Variants in EXOC6B observed in about 807,000 individuals in gnomAD.
The protein encoded by EXOC6B is SEC15 homolog B.
In EXOC6B, 54 loss-of-function variants were observed where a neutral mutation model predicts 113.5. The ratio of observed to expected loss-of-function variants is 0.48; its 90% CI spans 0.38 to 0.60. The LOEUF is 0.60. Among genes scored for constraint, EXOC6B ranks in the 20% least tolerant of loss-of-function variants. EXOC6B has a pLI of 0.00. For missense variants in EXOC6B, 797 were observed against 977.5 expected, an observed-to-expected ratio of 0.82 and a Z score of 2.46; for synonymous variants, 357 against 339.0, an observed-to-expected ratio of 1.05 and a Z score of -0.58.
At chr2:72,755,637 G>A (rs1201149752) in intron 1 of EXOC6B, among the ~76,000 whole-genome samples, 1 of 152,166 alleles carries the variant, frequency 6.6e-6, no homozygotes, top group African/African-American at 2.4e-5. Flanking sequence ...AGAAACAGAG[G>A]AAGAAAGGAG....
At chr2:72,612,054 G>A (rs945829594) in intron 6 of EXOC6B, among the ~76,000 whole-genome samples, 3 of 151,994 alleles carry the variant, frequency 2.0e-5, no homozygotes, top group Non-Finnish European at 4.4e-5. Context: ...AGCCTGAGGC[G>A]GGTGGATCAC....
At chr2:72,731,095 G>C in intron 4 of EXOC6B, 43 bp from the exon 5 acceptor site, 1 of 1,564,892 alleles carries the variant, frequency 6.4e-7, no homozygotes, top group East Asian at 2.3e-5. Flanking sequence ...TTTAGAGAAA[G>C]CCTAATTAAA....
intron 8 of EXOC6B, among the ~76,000 whole-genome samples, chr2:72,524,240 G>A (rs1701652841): frequency 6.6e-6 from 1 of 150,794 alleles, no homozygotes; most frequent in African/African-American, 2.4e-5. Flanking sequence ...CCATAATGAT[G>A]TTCAGCGGGA....
chr2:72,358,972 CA>C (rs1188121624), intron 19 of EXOC6B, among the ~76,000 whole-genome samples: 2 of 152,246 alleles, frequency 1.3e-5, no homozygotes, highest in South Asian at 2.1e-4. Flanking sequence ...TTTATTCACT[CA>C]AAAAATATTT....
At chr2:72,415,643 A>C (rs890189200) in intron 18 of EXOC6B, among the ~76,000 whole-genome samples, 2 of 152,086 alleles carry the variant, frequency 1.3e-5, no homozygotes, top group Admixed American at 6.5e-5. Flanking sequence ...GCAAGCATAA[A>C]AGCCAACTGA....
At chr2:72,816,058 G>A (rs1000897524) in intron 1 of EXOC6B, among the ~76,000 whole-genome samples, 1 of 152,074 alleles carries the variant, frequency 6.6e-6, no homozygotes, top group Non-Finnish European at 1.5e-5. Context: ...ACTCGCCAGG[G>A]TGAGGCAGGA....
At position 72,402,680 on chromosome 2, in the gene EXOC6B, A is replaced by G. The variant is rs531476686; in HGVS notation, c.1981-22810T>C. ...TATTTTGCTACTTCGAATAGGCCAT[A>G]CTTTCCTGTTTTGTTGTATATTGTG... On this transcript the variant is annotated intron_variant, in intron 18 of 21. Transcript: ENST00000272427. Among the ~76,000 whole-genome samples the G allele has an allele frequency of 5.3e-5, 8 of 152,282 alleles. No individual in the cohort carries two copies. The East Asian group carries it at 7.7e-4, about 15-fold the overall frequency.
At chr2:72,562,543 T>G (rs1338419158) in intron 7 of EXOC6B, among the ~76,000 whole-genome samples, 1 of 152,160 alleles carries the variant, frequency 6.6e-6, no homozygotes, top group Non-Finnish European at 1.5e-5. Context: ...AATAACTTTC[T>G]AATGGTTTCT....
chr2:72,563,321 T>G (rs1189411733), intron 7 of EXOC6B, among the ~76,000 whole-genome samples: 1 of 152,138 alleles, frequency 6.6e-6, no homozygotes, highest in East Asian at 1.9e-4. Context: ...GCATCCACGT[T>G]TGGTATCCAC....
At chr2:72,559,574 C>T in intron 7 of EXOC6B, 53 bp from the exon 8 acceptor site, 1 of 1,440,368 alleles carries the variant, frequency 6.9e-7, no homozygotes, top group Non-Finnish European at 9.7e-7. Context: ...TTAAAAGCAA[C>T]TACATTAATT....
chr2:72,527,571 G>A (rs6749568), intron 8 of EXOC6B, among the ~76,000 whole-genome samples: 3,650 of 151,822 alleles, frequency 0.024, 152 homozygotes, highest in African/African-American at 0.083. Flanking sequence ...TTATTTCTCT[G>A]GGACAAATGC....
rs188118363 is a variant in EXOC6B at position 72,379,886 on chromosome 2, G to A, written c.1981-16C>T. On this transcript the variant is annotated splice_polypyrimidine_tract_variant and intron_variant, in intron 18 of 21. Transcript: ENST00000272427. ...CCACCTTTCCCTGAAACACAAGAGT[G>A]TAAATCATAAAGTTAATGCATCTAA... is the stretch of plus-strand genomic sequence containing the variant. 70 of 1,582,108 alleles carry A rather than the reference G, an allele frequency of 4.4e-5. No homozygotes were observed. The highest frequency in any genetic ancestry group is 5.8e-5 in the Non-Finnish European group (68 of 1,163,616).
chr2:72,767,890 C>A (rs527754713), intron 1 of EXOC6B, among the ~76,000 whole-genome samples: 119 of 139,826 alleles, frequency 8.5e-4, no homozygotes, highest in African/African-American at 3.0e-3. Context: ...CCGAGGCAGG[C>A]GGATCGCCTG....
chr2:72,738,358 T>A (rs182495631), intron 2 of EXOC6B, among the ~76,000 whole-genome samples: 89 of 152,332 alleles, frequency 5.8e-4, no homozygotes, highest in Non-Finnish European at 1.1e-3. Flanking sequence ...ATGGGCTCTA[T>A]TCCAGATATA....
intron 18 of EXOC6B, among the ~76,000 whole-genome samples, chr2:72,448,834 G>A (rs1696740914): frequency 6.6e-6 from 1 of 152,196 alleles, no homozygotes; most frequent in South Asian, 2.1e-4. Flanking sequence ...TTTCACTTTA[G>A]TGTAAGCTTC....
chr2:72,401,541 ATATG>A (rs1350242484), intron 18 of EXOC6B, among the ~76,000 whole-genome samples: 9 of 17,418 alleles, frequency 5.2e-4, no homozygotes, highest in Admixed American at 1.9e-3. Flanking sequence ...ATATATATAT[ATATG>A]TGTATATATA....
At chr2:72,438,374 C>T (rs149964311) in intron 18 of EXOC6B, among the ~76,000 whole-genome samples, 9 of 151,704 alleles carry the variant, frequency 5.9e-5, no homozygotes, top group Admixed American at 3.3e-4. Context: ...TCTGGGAAAC[C>T]GAGGTAGTAG....
intron 19 of EXOC6B, among the ~76,000 whole-genome samples, chr2:72,364,804 T>G (rs531252340): frequency 6.6e-6 from 1 of 152,182 alleles, no homozygotes; most frequent in Non-Finnish European, 1.5e-5. Flanking sequence ...TCCAATCTTG[T>G]AGTTGATCAT....
chr2:72,374,487 A>T (rs1331158953), intron 19 of EXOC6B, among the ~76,000 whole-genome samples: 1 of 152,174 alleles, frequency 6.6e-6, no homozygotes, highest in Admixed American at 6.6e-5. Flanking sequence ...GTAGGATCTA[A>T]AAATCAAAAC....
Sources: gnomAD v4.1 joint callset for allele counts (sites outside exome capture counted in the v4.1 genomes callset) on GRCh38, gnomAD v4.1.1 for gene constraint, MANE v1.5 for transcripts, NCBI Gene and HGNC (gene_info 2026-07-23, HGNC 2026-07-21) for gene names.